The following ANKRD30A variants were observed in gnomAD, a reference collection of about 807,000 sequenced individuals.
The protein encoded by ANKRD30A is ankyrin repeat domain-containing protein 30A.
Under a neutral mutation model 166.3 loss-of-function variants are expected in ANKRD30A, and 170 were observed. That is an observed-to-expected ratio of 1.02 (90% CI 0.90 to 1.16). ANKRD30A has a LOEUF of 1.16. ANKRD30A is among the 50% of genes most tolerant of loss of function. The pLI is 0.00. For missense variants in ANKRD30A, 1,630 were observed against 1,518.0 expected (o/e 1.07, Z -1.23); for synonymous variants, 564 against 508.9 (o/e 1.11, Z -1.46).
At chr10:37,265,028 G>A in the ANKRD30A span, among the ~76,000 whole-genome samples, 1 of 152,018 alleles carries the variant, frequency 6.6e-6, no homozygotes, top group Admixed American at 6.6e-5. Context: ...TTTTGATGTT[G>A]TACTCTGATT....
intron 19 of ANKRD30A, among the ~76,000 whole-genome samples, chr10:37,167,430 T>G (rs954664232): frequency 6.6e-6 from 1 of 151,388 alleles, no homozygotes; most frequent in South Asian, 2.1e-4. Context: ...TAAAACCTCA[T>G]TAGCAAATAA....
At chr10:37,200,108 G>T (rs919025183) in intron 30 of ANKRD30A, among the ~76,000 whole-genome samples, 5 of 151,974 alleles carry the variant, frequency 3.3e-5, no homozygotes, top group Admixed American at 1.3e-4. Flanking sequence ...GTCCAGCTCT[G>T]GGCAAATATA....
intron 34 of ANKRD30A, among the ~76,000 whole-genome samples, chr10:37,224,611 A>G (rs1843054075): frequency 6.6e-6 from 1 of 151,422 alleles, no homozygotes; most frequent in Non-Finnish European, 1.5e-5. Context: ...AGTGCCTTTG[A>G]AGCCCCCAAG....
intron 27 of ANKRD30A, 65 bp downstream of exon 27, chr10:37,193,323 G>T: frequency 2.0e-6 from 3 of 1,511,250 alleles, no homozygotes; most frequent in Non-Finnish European, 2.7e-6. Flanking sequence ...AATGCTGTGA[G>T]ACTTTTCATT....
intron 16 of ANKRD30A, 26 bp from the exon 17 acceptor site, chr10:37,162,750 A>G: frequency 1.9e-6 from 3 of 1,613,552 alleles, no homozygotes; most frequent in Non-Finnish European, 2.5e-6. Flanking sequence ...TTCTTTATTA[A>G]TCATTTTGCT....
rs780591236 is a variant in ANKRD30A, at chr10:37,179,198, A to G, written c.2421+2980A>G. On this transcript the variant is annotated intron_variant, in intron 24 of 35. Coordinates refer to ENST00000361713, the MANE Select transcript of ANKRD30A (RefSeq NM_052997.3). ...GCCATTTTATAAAACCTCATTAGTA[A>G]ATAACATGCTACACGAAACCAGACT... Among the ~76,000 whole-genome samples the G allele has an allele frequency of 3.0e-4, 46 of 150,842 alleles. 1 individual carries two copies. The highest frequency in any genetic ancestry group is 5.3e-4 in the Non-Finnish European group (36 of 67,406).
At chr10:37,225,039 C>T (rs544535318) in intron 34 of ANKRD30A, among the ~76,000 whole-genome samples, 30 of 151,150 alleles carry the variant, frequency 2.0e-4, no homozygotes, top group Admixed American at 6.0e-4. Context: ...TTTAATAATA[C>T]GCTAGTGTTT....
chr10:37,207,076 T>C (rs1483610952), intron 31 of ANKRD30A, among the ~76,000 whole-genome samples: 1 of 152,154 alleles, frequency 6.6e-6, no homozygotes, highest in Non-Finnish European at 1.5e-5. Flanking sequence ...AACATTCAGA[T>C]GGATAAGTGA....
At chr10:37,149,733 A>T in intron 10 of ANKRD30A, 44 bp from the exon 11 acceptor site, 1 of 1,612,570 alleles carries the variant, frequency 6.2e-7, no homozygotes, top group Non-Finnish European at 8.5e-7. Flanking sequence ...GTATTTGTGA[A>T]GTATACATTC....
chr10:37,200,911 T>A (rs1361335383), intron 30 of ANKRD30A, among the ~76,000 whole-genome samples: 1 of 152,080 alleles, frequency 6.6e-6, no homozygotes, highest in Non-Finnish European at 1.5e-5. Context: ...ATATTTATTG[T>A]TGTTGAGGAC....
chr10:37,161,914 CT>C (rs1838917411), intron 15 of ANKRD30A, among the ~76,000 whole-genome samples: 1 of 151,918 alleles, frequency 6.6e-6, no homozygotes, highest in Non-Finnish European at 1.5e-5. Flanking sequence ...AATAAGATTG[CT>C]TTTTAAGATA....
At position 37,147,375 on chromosome 10, in the gene ANKRD30A, C is replaced by T. The variant is rs767496316; in HGVS notation, c.1461C>T (p.Leu487=). 1 of 1,584,724 alleles carries T rather than the reference C, an allele frequency of 6.3e-7. No homozygotes were observed. Among genetic ancestry groups the T allele is most frequent in the Non-Finnish European group, 8.6e-7 (1 of 1,164,582 alleles). The part of the protein sequence containing the change: ...DEEYSCDSRS[L]FESSAKIQVC... ...ATTGATACTACTTTTAACAGAGTCTCTTTGAGAGTTCTGCAAAGATTCAAG... is the reference window on the plus strand; with the variant it reads ...ATTGATACTACTTTTAACAGAGTCTTTTTGAGAGTTCTGCAAAGATTCAAG... Residue 487 remains leucine (L), a synonymous_variant, in exon 9 of 36, where the codon CTC becomes CTT. Transcript: ENST00000361713.
chr10:37,203,715 A>G (rs1308755989), intron 31 of ANKRD30A, among the ~76,000 whole-genome samples: 1 of 152,214 alleles, frequency 6.6e-6, no homozygotes, highest in Non-Finnish European at 1.5e-5. Context: ...TGCAGATGAC[A>G]TGATTGTATA....
At chr10:37,200,536 G>C (rs975752894) in intron 30 of ANKRD30A, among the ~76,000 whole-genome samples, 6 of 152,032 alleles carry the variant, frequency 3.9e-5, no homozygotes, top group Admixed American at 6.6e-5. Flanking sequence ...ACAGCAAAGG[G>C]TGGAAGTCAA....
intron 25 of ANKRD30A, among the ~76,000 whole-genome samples, chr10:37,192,349 T>C (rs977983918): frequency 4.6e-5 from 7 of 152,006 alleles, no homozygotes; most frequent in African/African-American, 1.7e-4. Context: ...TGGCCTGTAT[T>C]GGTTTGTTGA....
At chr10:37,166,314 G>A (rs186290719) in intron 18 of ANKRD30A, among the ~76,000 whole-genome samples, 1 of 152,328 alleles carries the variant, frequency 6.6e-6, no homozygotes, top group East Asian at 1.9e-4. Flanking sequence ...TTTTAAGAGA[G>A]TTACTTTTTG....
chr10:37,232,891 TAA>T (rs142064765), downstream of ANKRD30A, among the ~76,000 whole-genome samples: 204 of 127,404 alleles, frequency 1.6e-3, 1 homozygote, highest in East Asian at 6.4e-3. Context: ...TAGCCCCTGT[TAA>T]AAAAAAAAAA....
chr10:37,198,893 A>G lies in ANKRD30A; in HGVS notation c.2717-834A>G, dbSNP rs1184183114. ...TAGTTGTAATTTGTACTTTGTGCTG[A>G]TAAAGAAACTTCAACGTTATTTTTG... On this transcript the variant is annotated intron_variant, in intron 29 of 35. Coordinates refer to ENST00000361713, the MANE Select transcript of ANKRD30A (RefSeq NM_052997.3). Among the ~76,000 whole-genome samples the G allele has an allele frequency of 2.0e-5, 3 of 152,060 alleles. No homozygotes were observed. In the East Asian group the frequency reaches 5.8e-4, roughly 29 times the overall value.
At chr10:37,144,914 A>G in intron 7 of ANKRD30A, 81 bp from the exon 8 acceptor site, 1 of 1,077,738 alleles carries the variant, frequency 9.3e-7, no homozygotes, top group Non-Finnish European at 1.4e-6. Flanking sequence ...AGATTCATGA[A>G]TGAAAATAGA....
Sources: gnomAD v4.1 joint callset for allele counts (sites outside exome capture counted in the v4.1 genomes callset) on GRCh38, gnomAD v4.1.1 for gene constraint, MANE v1.5 for transcripts, NCBI Gene and HGNC (gene_info 2026-07-23, HGNC 2026-07-21) for gene names.